Variants in SLCO3A1 observed in about 807,000 individuals in gnomAD.
SLCO3A1 encodes PGE1 transporter.
In SLCO3A1, 27 loss-of-function variants were observed where a neutral mutation model predicts 63.1. That is an observed-to-expected ratio of 0.43 (90% CI 0.32 to 0.59). The LOEUF (loss-of-function observed/expected upper bound fraction) is 0.59. Ranked by LOEUF, SLCO3A1 falls within the 20% of genes least tolerant of loss-of-function variation. SLCO3A1 has a pLI of 0.09. For synonymous variants in SLCO3A1, 473 were observed against 409.9 expected, an observed-to-expected ratio of 1.15 and a Z score of -1.86; for missense variants, 773 against 945.8, an observed-to-expected ratio of 0.82 and a Z score of 2.40.
chr15:91,977,499 G>A (rs1179653905), intron 2 of SLCO3A1, among the ~76,000 whole-genome samples: 2 of 152,180 alleles, frequency 1.3e-5, no homozygotes, highest in Non-Finnish European at 2.9e-5. Flanking sequence ...GGAAAGTGGG[G>A]TTCTCAGACA....
intron 1 of SLCO3A1, among the ~76,000 whole-genome samples, chr15:91,890,982 A>C (rs1396469511): frequency 6.6e-6 from 1 of 152,234 alleles, no homozygotes. Context: ...TTCTGTCAGA[A>C]AATAATGGTG....
chr15:92,169,936 A>T (rs2048512446), downstream of SLCO3A1, among the ~76,000 whole-genome samples: 1 of 152,212 alleles, frequency 6.6e-6, no homozygotes, highest in South Asian at 2.1e-4. Context: ...CCATTTTTGT[A>T]ATAGTGACTC....
rs770145857 is a variant in SLCO3A1 at position 91,916,092 on chromosome 15, C to A, written c.280C>A (p.Leu94Ile). The stretch of plus-strand genomic sequence containing the variant: ...CGAGATCGGGAACCTGGCGCTCATC[C>A]TCTTCGTGAGCTACTTCGGGGCACG... ...SFEIGNLALILFVSYFGARGH... is the reference protein window; with the variant it reads ...SFEIGNLALIIFVSYFGARGH... The change falls in exon 2 of 10, where the codon CTC becomes ATC. Residue 94 changes from leucine (L) to isoleucine (I), a missense_variant. Around this residue, in one of 3 missense-constraint regions of SLCO3A1, gnomAD observed 565 missense variants for 749.8 expected, o/e 0.75. Coordinates refer to ENST00000318445, the MANE Select transcript of SLCO3A1 (RefSeq NM_013272.4). This position sits in a 1 kb window ranked among gnomAD's most constrained non-coding sequence, Gnocchi z 6.2. The A allele has an allele frequency of 1.2e-6, 2 of 1,612,854 alleles. No individual in the cohort carries two copies. Among genetic ancestry groups the A allele is most frequent in the Non-Finnish European group, 1.7e-6 (2 of 1,179,890 alleles).
chr15:91,926,594 T>TGTGTGTGC (rs1555450174), intron 2 of SLCO3A1, among the ~76,000 whole-genome samples: 3 of 94,254 alleles, frequency 3.2e-5, no homozygotes, highest in Non-Finnish European at 2.2e-5. Context: ...TGTGTGTGTG[T>TGTGTGTGC]GTGCGCGCGC....
intron 2 of SLCO3A1, among the ~76,000 whole-genome samples, chr15:91,949,505 C>T (rs995894799): frequency 6.6e-6 from 1 of 152,000 alleles, no homozygotes; most frequent in Non-Finnish European, 1.5e-5. Context: ...TGGTATGTAC[C>T]TGTAATCCTA....
intron 7 of SLCO3A1, among the ~76,000 whole-genome samples, chr15:92,136,254 CT>C (rs1436218328): frequency 6.6e-6 from 1 of 152,190 alleles, no homozygotes; most frequent in Non-Finnish European, 1.5e-5. Flanking sequence ...CCATACAATC[CT>C]CTTAGAAAAA....
intron 2 of SLCO3A1, among the ~76,000 whole-genome samples, chr15:92,072,088 A>G (rs1338762744): frequency 1.3e-5 from 2 of 152,178 alleles, no homozygotes; most frequent in Non-Finnish European, 2.9e-5. Context: ...GGATTCCAAT[A>G]GCTTTCCAGT....
Position 91,872,117 on chromosome 15 carries a change from A to T in SLCO3A1, c.180+18029A>T, listed in dbSNP as rs1597075732. 6.6e-6 allele frequency among the ~76,000 whole-genome samples: 1 copy of T among 152,154 alleles called. No homozygotes were observed. The highest frequency in any genetic ancestry group is 2.4e-5 in the African/African-American group (1 of 41,436). Reference sequence around the variant, plus strand: ...GTGGAAAGGGGAATTGCCTTCGTCGAGGATGTGGTGTGTGCCCGGGAGGAC... The same window carrying T: ...GTGGAAAGGGGAATTGCCTTCGTCGTGGATGTGGTGTGTGCCCGGGAGGAC... On this transcript the variant is annotated intron_variant, in intron 1 of 9. Coordinates refer to ENST00000318445, the MANE Select transcript of SLCO3A1 (RefSeq NM_013272.4). The surrounding 1 kb of genome is among the most constrained non-coding windows in gnomAD (Gnocchi z 4.1).
At chr15:91,960,838 A>C (rs1446218394) in intron 2 of SLCO3A1, among the ~76,000 whole-genome samples, 1 of 152,224 alleles carries the variant, frequency 6.6e-6, no homozygotes, top group Non-Finnish European at 1.5e-5. Flanking sequence ...CCCCAAATCC[A>C]AAAATCCAAA....
intron 2 of SLCO3A1, among the ~76,000 whole-genome samples, chr15:91,990,204 G>C (rs1456971726): frequency 6.6e-6 from 1 of 152,188 alleles, no homozygotes; most frequent in African/African-American, 2.4e-5. Flanking sequence ...CGGAAAGGCA[G>C]CATTTATTTT....
chr15:91,901,143 T>C (rs7171664), intron 1 of SLCO3A1, among the ~76,000 whole-genome samples: 85,942 of 151,982 alleles, frequency 0.57, 26,381 homozygotes, highest in East Asian at 0.84. Context: ...TTCCTTTTCC[T>C]CATGTTTTGA....
In SLCO3A1 at chr15:92,158,911, A is replaced by T. The variant is rs186513731; in HGVS notation, c.1754-3845A>T. 2.6e-5 allele frequency among the ~76,000 whole-genome samples: 4 copies of T among 152,344 alleles called. No individual in the cohort carries two copies. In the East Asian group the frequency reaches 7.7e-4, roughly 29 times the overall value. On this transcript the variant is annotated intron_variant, in intron 9 of 9. Transcript: ENST00000318445. ...GAAAGCCAATATTTTCACTATTCAG[A>T]AGTATAAAAGGAATCTCACAAAGGT...
chr15:92,088,254 A>G (rs139729803), intron 2 of SLCO3A1, among the ~76,000 whole-genome samples: 2 of 152,358 alleles, frequency 1.3e-5, no homozygotes, highest in Non-Finnish European at 2.9e-5. Flanking sequence ...AAATAGGAAT[A>G]TAAAGAAGAA....
intron 2 of SLCO3A1, among the ~76,000 whole-genome samples, chr15:91,951,595 A>G (rs1317817933): frequency 7.1e-6 from 1 of 141,826 alleles, no homozygotes; most frequent in African/African-American, 2.7e-5. Flanking sequence ...TCACTTTGTC[A>G]TCCAGGCTGG....
intron 1 of SLCO3A1, among the ~76,000 whole-genome samples, chr15:91,911,878 G>T (rs1321946007): frequency 1.3e-5 from 2 of 152,106 alleles, no homozygotes; most frequent in Non-Finnish European, 2.9e-5. Context: ...GCCTGCCTCA[G>T]CCTCCCAAAG....
downstream of SLCO3A1, among the ~76,000 whole-genome samples, chr15:92,170,016 C>T (rs555259799): frequency 5.9e-5 from 9 of 152,178 alleles, no homozygotes; most frequent in Non-Finnish European, 1.0e-4. Flanking sequence ...CAATTGATTA[C>T]GTTCTTTTGC....
chr15:91,927,472 C>T (rs1899070142), intron 2 of SLCO3A1, among the ~76,000 whole-genome samples: 1 of 152,078 alleles, frequency 6.6e-6, no homozygotes, highest in South Asian at 2.1e-4. Flanking sequence ...ATTCTGGGGA[C>T]ATGAATGAAC....
Position 92,105,812 on chromosome 15 carries a change from G to A in SLCO3A1, c.1009+1270G>A, listed in dbSNP as rs114538812. On this transcript the variant is annotated intron_variant, in intron 4 of 9. Coordinates refer to ENST00000318445, the MANE Select transcript of SLCO3A1 (RefSeq NM_013272.4). ...CTGTGCAGGAATGCGGCACTCAGCC[G>A]GGCCAGCCTTCCACAGCGGCAGATG... Among the ~76,000 whole-genome samples, 1,040 of 152,302 alleles carry A rather than the reference G, an allele frequency of 6.8e-3. 10 individuals are homozygous for A. Among genetic ancestry groups the A allele is most frequent in the African/African-American group, 0.023 (940 of 41,552 alleles).
chr15:91,876,203 C>G (rs368539375), intron 1 of SLCO3A1, among the ~76,000 whole-genome samples: 15 of 152,306 alleles, frequency 9.8e-5, no homozygotes, highest in African/African-American at 3.6e-4. Flanking sequence ...CTTTCACTCC[C>G]AGGAGTGGCA....
Sources: gnomAD v4.1 joint callset for allele counts (sites outside exome capture counted in the v4.1 genomes callset) on GRCh38, gnomAD v4.1.1 for gene constraint, gnomAD v4.1.1 regional missense constraint, Gnocchi (gnomAD v3.1) non-coding constraint, MANE v1.5 for transcripts, NCBI Gene and HGNC (gene_info 2026-07-23, HGNC 2026-07-21) for gene names.